The following IRS1 variants were observed in gnomAD, a reference collection of about 807,000 sequenced individuals.
IRS1 encodes the protein insulin receptor substrate 1.
A neutral mutation model predicts 65.6 loss-of-function variants in IRS1; 34 were observed. That is an observed-to-expected ratio of 0.52 (90% CI 0.39 to 0.69). The LOEUF (loss-of-function observed/expected upper bound fraction) is 0.69, where lower values mean the gene tolerates loss of function less well. Ranked by LOEUF, IRS1 falls within the 30% of genes least tolerant of loss-of-function variation. The pLI is 0.00. For synonymous variants in IRS1, 699 were observed against 683.5 expected (o/e 1.02, Z -0.35); for missense variants, 1,641 against 1,720.2 (o/e 0.95, Z 0.81).
At chr2:226,786,261 T>C (rs1939485563) in intron 1 of IRS1, among the ~76,000 whole-genome samples, 1 of 152,076 alleles carries the variant, frequency 6.6e-6, no homozygotes, top group Non-Finnish European at 1.5e-5. Flanking sequence ...ATATACCCAG[T>C]AATGGGACGG....
chr2:226,759,928 G>A (rs1316810109), intron 1 of IRS1, among the ~76,000 whole-genome samples: 1 of 152,284 alleles, frequency 6.6e-6, no homozygotes. Context: ...TAATCCCAAC[G>A]TTTTGGGAGT....
chr2:226,766,164 T>TG (rs1553531258), intron 1 of IRS1, among the ~76,000 whole-genome samples: 2 of 4,322 alleles, frequency 4.6e-4, no homozygotes, highest in African/African-American at 1.4e-3. Context: ...TATATATATA[T>TG]TTTTTTTTTT....
At chr2:226,740,820 T>C (rs1463518537) in intron 1 of IRS1, among the ~76,000 whole-genome samples, 1 of 152,152 alleles carries the variant, frequency 6.6e-6, no homozygotes, top group Non-Finnish European at 1.5e-5. Context: ...CTCTTCCTTA[T>C]CCAACTGTGC....
In IRS1 at chr2:226,797,398, C is replaced by T. The variant is rs754761501; in HGVS notation, c.1341G>A (p.Pro447=). 1 of 1,612,256 alleles carries T rather than the reference C, an allele frequency of 6.2e-7. No individual in the cohort carries two copies. Among genetic ancestry groups the T allele is most frequent in the East Asian group, 2.2e-5 (1 of 44,854 alleles). ...DFRSSFRSVT[P]DSLGHTPPAR... The stretch of plus-strand genomic sequence containing the variant: ...CTGGTGGGGTGTGGCCCAGGGAATC[C>T]GGAGTGACACTGCGGAAGGAACTCC... Residue 447 remains proline (P), a synonymous_variant, in exon 1 of 2, where the codon CCG becomes CCA. Transcript: ENST00000305123. This position sits in a 1 kb window ranked among gnomAD's most constrained non-coding sequence, Gnocchi z 8.1.
intron 1 of IRS1, among the ~76,000 whole-genome samples, chr2:226,747,682 C>T (rs1267978645): frequency 6.6e-6 from 1 of 152,176 alleles, no homozygotes; most frequent in Non-Finnish European, 1.5e-5. Flanking sequence ...AGACAGAAGC[C>T]ATCCATCTGG....
At chr2:226,763,421 C>CA (rs1214962084) in intron 1 of IRS1, among the ~76,000 whole-genome samples, 2 of 149,594 alleles carry the variant, frequency 1.3e-5, no homozygotes, top group Non-Finnish European at 2.9e-5. Context: ...ACAAAATCCA[C>CA]AAAAACTGCC....
intron 1 of IRS1, among the ~76,000 whole-genome samples, chr2:226,789,324 TA>T (rs1939546434): frequency 6.6e-6 from 1 of 152,198 alleles, no homozygotes; most frequent in South Asian, 2.1e-4. Flanking sequence ...AGCTTCTGAA[TA>T]TATTGGCAAC....
chr2:226,796,734 C>G lies in IRS1; in HGVS notation c.2005G>C (p.Gly669Arg). 6.2e-7 allele frequency: 1 copy of G among 1,610,894 alleles called. No individual in the cohort carries two copies. The highest frequency in any genetic ancestry group is 1.1e-5 in the South Asian group (1 of 90,670). The stretch of plus-strand genomic sequence containing the variant: ...CCTCCAATGTCAGGAGAGCAGCCAC[C>G]GCTGGGGGACATCATCATGTAGCCA... ...PNGYMMMSPS[G>R]GCSPDIGGGP... The change falls in exon 1 of 2, where the codon GGT becomes CGT. Residue 669 changes from glycine to arginine, a missense_variant. Physicochemically the swap from Gly to Arg is moderately radical, Grantham distance 125. This residue lies in a region of IRS1 where 1,324 missense variants were observed against 1,361.0 expected (regional missense o/e 0.97). Coordinates refer to ENST00000305123, the MANE Select transcript of IRS1 (RefSeq NM_005544.3).
intron 1 of IRS1, among the ~76,000 whole-genome samples, chr2:226,746,508 T>C (rs1213391416): frequency 6.6e-6 from 1 of 152,156 alleles, no homozygotes; most frequent in Non-Finnish European, 1.5e-5. Context: ...TAATTGATAA[T>C]GCATCCACTG....
intron 1 of IRS1, among the ~76,000 whole-genome samples, chr2:226,764,706 C>A (rs996028171): frequency 1.3e-5 from 2 of 152,118 alleles, no homozygotes; most frequent in African/African-American, 4.8e-5. Context: ...TAAAGCAGAT[C>A]ACAGTGAGGG....
Position 226,796,595 on chromosome 2 carries a change from T to G in IRS1, c.2144A>C (p.Lys715Thr). Residue 715 changes from lysine (K) to threonine (T), a missense_variant, in exon 1 of 2, where the codon AAA becomes ACA. This residue lies in a region of IRS1 where 1,324 missense variants were observed against 1,361.0 expected (regional missense o/e 0.97). Coordinates refer to ENST00000305123, the MANE Select transcript of IRS1 (RefSeq NM_005544.3). ...ACCACCGCTGCTCTCCACTGGGGGT[T>G]TGGGGTGAGGCAAGACATGAGAGTG... The part of the protein sequence containing the change: ...GHHSHVLPHP[K>T]PPVESSGGKL... The G allele has an allele frequency of 6.2e-7, 1 of 1,613,962 alleles. No homozygotes were observed. The highest frequency in any genetic ancestry group is 8.5e-7 in the Non-Finnish European group (1 of 1,179,940).
At chr2:226,761,527 T>G (rs1938914256) in intron 1 of IRS1, among the ~76,000 whole-genome samples, 1 of 152,192 alleles carries the variant, frequency 6.6e-6, no homozygotes, top group African/African-American at 2.4e-5. Flanking sequence ...ATTCCTCTGT[T>G]TCTTTCTGGC....
chr2:226,798,822 C>G lies in IRS1; in HGVS notation c.-84G>C. ...GGGGCGGAGGCTCCTCGCCGCGGCCCGGCACATGCAAACAGGGCTGGAGGC... is the reference window on the plus strand; with the variant it reads ...GGGGCGGAGGCTCCTCGCCGCGGCCGGGCACATGCAAACAGGGCTGGAGGC... On this transcript the variant is annotated 5_prime_UTR_variant, in exon 1 of 2. Transcript: ENST00000305123. The surrounding 1 kb of genome is among the most constrained non-coding windows in gnomAD (Gnocchi z 9.4). The G allele has an allele frequency of 2.6e-6, 4 of 1,550,522 alleles. No homozygotes were observed. The highest frequency in any genetic ancestry group is 3.5e-6 in the Non-Finnish European group (4 of 1,148,206).
chr2:226,756,842 G>A (rs1405113952), intron 1 of IRS1, among the ~76,000 whole-genome samples: 1 of 152,090 alleles, frequency 6.6e-6, no homozygotes, highest in Non-Finnish European at 1.5e-5. Context: ...TGCGCCTGTG[G>A]TCCCAGCTAC....
chr2:226,748,635 T>C (rs982003962), intron 1 of IRS1, among the ~76,000 whole-genome samples: 3 of 151,668 alleles, frequency 2.0e-5, no homozygotes, highest in African/African-American at 7.3e-5. Context: ...CGGAAGATAA[T>C]TTATGATCAA....
In IRS1 at chr2:226,794,894, T is replaced by G; in HGVS notation, c.*21+95A>C. 9.3e-7 allele frequency: 1 copy of G among 1,074,816 alleles called. No homozygotes were observed. The highest frequency in any genetic ancestry group is 1.4e-6 in the Non-Finnish European group (1 of 700,636). 66.6% of individuals were successfully genotyped at this position (1,074,816 alleles called of 1,614,324 possible). ...AAGTGCATTCTCCCTGAGGAAGCAG[T>G]GGGAAAGAACAGGAAGGGGCAGAGG... On this transcript the variant is annotated intron_variant, in intron 1 of 1. Transcript: ENST00000305123. The surrounding 1 kb of genome is among the most constrained non-coding windows in gnomAD (Gnocchi z 4.1).
Position 226,788,509 on chromosome 2 carries a change from T to A in IRS1, c.*21+6480A>T, listed in dbSNP as rs1348847615. Reference sequence around the variant, plus strand: ...ACCAAATTTATTTCAACAAATAGATTATAGCAGAGCCTGCTGCAAGAATAC... The same window carrying A: ...ACCAAATTTATTTCAACAAATAGATAATAGCAGAGCCTGCTGCAAGAATAC... On this transcript the variant is annotated intron_variant, in intron 1 of 1. Coordinates refer to ENST00000305123, the MANE Select transcript of IRS1 (RefSeq NM_005544.3). 2.0e-5 allele frequency among the ~76,000 whole-genome samples: 3 copies of A among 152,168 alleles called. No homozygotes were observed. The East Asian group carries it at 5.8e-4, about 29-fold the overall frequency.
In IRS1 at chr2:226,766,493, G is replaced by A. The variant is rs532885921; in HGVS notation, c.*21+28496C>T. 2.6e-5 allele frequency among the ~76,000 whole-genome samples: 4 copies of A among 151,906 alleles called. No individual in the cohort carries two copies. In the South Asian group the frequency reaches 8.3e-4, roughly 32 times the overall value. On this transcript the variant is annotated intron_variant, in intron 1 of 1. Transcript: ENST00000305123. ...TATACTATTTTTACCATGCATTTTA[G>A]AAGTACTAAAGTAGTCATTATCTTT...
intron 1 of IRS1, among the ~76,000 whole-genome samples, chr2:226,785,490 C>T (rs1311099038): frequency 6.6e-6 from 1 of 152,200 alleles, no homozygotes; most frequent in African/African-American, 2.4e-5. Flanking sequence ...GTAATCCCAA[C>T]TACTCAGGAG....
Sources: gnomAD v4.1 joint callset for allele counts (sites outside exome capture counted in the v4.1 genomes callset) on GRCh38, gnomAD v4.1.1 for gene constraint, gnomAD v4.1.1 regional missense constraint, Gnocchi (gnomAD v3.1) non-coding constraint, MANE v1.5 for transcripts, NCBI Gene and HGNC (gene_info 2026-07-23, HGNC 2026-07-21) for gene names.